Variants in NRG1 observed in about 807,000 individuals in gnomAD.
The protein encoded by NRG1 is pro-neuregulin-1, membrane-bound isoform.
A neutral mutation model predicts 63.8 loss-of-function variants in NRG1; 18 were observed. The observed-to-expected ratio is 0.28, with a 90% CI of 0.19 to 0.42. NRG1 has a LOEUF of 0.42. Ranked by LOEUF, NRG1 falls within the 10% of genes least tolerant of loss-of-function variation. The probability of loss-of-function intolerance (pLI) is 1.00; values close to 1 mark genes in which losing one functional copy is unlikely to be tolerated. For synonymous variants in NRG1, 302 were observed against 301.3 expected (o/e 1.00, Z -0.02); for missense variants, 762 against 814.7 (o/e 0.94, Z 0.79).
chr8:32,189,666 A>C (rs59756908), intron 1 of NRG1, among the ~76,000 whole-genome samples: 5,551 of 152,212 alleles, frequency 0.036, 186 homozygotes, highest in African/African-American at 0.084. Context: ...ATTTGATTTT[A>C]TTTCTTTCCT....
chr8:32,571,909 C>A lies in NRG1; in HGVS notation c.100+23083C>A, dbSNP rs550531298. On this transcript the variant is annotated intron_variant, in intron 1 of 11. Transcript: ENST00000356819. ...TAAGTTACAAATATACACACATGGC[C>A]ATAAAAATAGTCAGAGACTGAGCTG... Among the ~76,000 whole-genome samples the A allele has an allele frequency of 8.2e-5, 12 of 147,154 alleles. No homozygotes were observed. In the South Asian group the frequency reaches 2.5e-3, roughly 31 times the overall value.
intron 1 of NRG1, among the ~76,000 whole-genome samples, chr8:32,557,042 G>T (rs1382408565): frequency 1.3e-5 from 2 of 152,050 alleles, no homozygotes; most frequent in African/African-American, 4.8e-5. Flanking sequence ...GTCTTGCTCT[G>T]TCACCCAGGC....
intron 7 of NRG1, among the ~76,000 whole-genome samples, chr8:32,745,250 T>G (rs1006066229): frequency 1.4e-4 from 21 of 152,120 alleles, no homozygotes; most frequent in African/African-American, 5.1e-4. Flanking sequence ...AATTTAATTG[T>G]TTGTAGTCTT....
chr8:32,624,965 G>A (rs758495399), intron 5 of NRG1, among the ~76,000 whole-genome samples: 8 of 152,098 alleles, frequency 5.3e-5, no homozygotes, highest in African/African-American at 7.2e-5. Context: ...GAAAAAGAGC[G>A]TGCTTAGCCC....
chr8:32,265,288 T>C (rs987606887), intron 1 of NRG1, among the ~76,000 whole-genome samples: 5 of 151,950 alleles, frequency 3.3e-5, no homozygotes, highest in Non-Finnish European at 7.4e-5. Context: ...TGAGCCAAGA[T>C]TGTACCACTG....
chr8:32,563,193 T>C (rs1026707195), intron 1 of NRG1, among the ~76,000 whole-genome samples: 2 of 152,214 alleles, frequency 1.3e-5, no homozygotes, highest in Non-Finnish European at 2.9e-5. Context: ...CCAAGATAAT[T>C]CTTCTTCCAA....
At chr8:31,803,398 G>A (rs939995030) in intron 1 of NRG1, among the ~76,000 whole-genome samples, 1 of 152,122 alleles carries the variant, frequency 6.6e-6, no homozygotes, top group African/African-American at 2.4e-5. Context: ...TGGAATCCCT[G>A]TTTTCTATTC....
At chr8:32,335,383 C>T (rs1803140151) in intron 1 of NRG1, among the ~76,000 whole-genome samples, 1 of 152,194 alleles carries the variant, frequency 6.6e-6, no homozygotes, top group Non-Finnish European at 1.5e-5. Context: ...GACAATTATT[C>T]TGTTATTCTC....
intron 1 of NRG1, among the ~76,000 whole-genome samples, chr8:32,067,421 G>C (rs1233321479): frequency 6.6e-6 from 1 of 152,136 alleles, no homozygotes; most frequent in Non-Finnish European, 1.5e-5. Context: ...TTTGTCAAAG[G>C]CCTTTTCTGC....
At chr8:31,675,468 G>C (rs562546365) in intron 1 of NRG1, among the ~76,000 whole-genome samples, 1 of 152,306 alleles carries the variant, frequency 6.6e-6, no homozygotes, top group South Asian at 2.1e-4. Flanking sequence ...ACTTGAGTCT[G>C]TCTTTGCCTA....
intron 1 of NRG1, among the ~76,000 whole-genome samples, chr8:32,486,262 A>G (rs1351458840): frequency 6.6e-6 from 1 of 152,182 alleles, no homozygotes; most frequent in Non-Finnish European, 1.5e-5. Context: ...ATCCTTTTAT[A>G]GTTTGTTATA....
At chr8:32,106,847 C>T (rs957396112) in intron 1 of NRG1, among the ~76,000 whole-genome samples, 2 of 152,156 alleles carry the variant, frequency 1.3e-5, no homozygotes, top group South Asian at 2.1e-4. Flanking sequence ...TTCCTTTATT[C>T]ATCTCTGTAA....
At chr8:32,232,629 C>T (rs16879017) in intron 1 of NRG1, among the ~76,000 whole-genome samples, 14,288 of 152,094 alleles carry the variant, frequency 0.094, 2,232 homozygotes, top group African/African-American at 0.33. Flanking sequence ...CAAACATTCT[C>T]ATTTCAGACG....
intron 1 of NRG1, among the ~76,000 whole-genome samples, chr8:32,085,370 A>G (rs931438212): frequency 7.2e-5 from 11 of 152,182 alleles, no homozygotes; most frequent in Non-Finnish European, 1.5e-5. Flanking sequence ...CTCTGCTTCT[A>G]TGAGTTTGAC....
At chr8:32,229,458 T>C (rs1259726861) in intron 1 of NRG1, among the ~76,000 whole-genome samples, 1 of 152,132 alleles carries the variant, frequency 6.6e-6, no homozygotes, top group African/African-American at 2.4e-5. Flanking sequence ...CTCATTCGTG[T>C]GCCTGCTTTA....
chr8:31,998,255 A>T (rs1812341646), intron 1 of NRG1, among the ~76,000 whole-genome samples: 4 of 152,044 alleles, frequency 2.6e-5, no homozygotes, highest in Admixed American at 2.6e-4. Context: ...AAGTCTTGAG[A>T]CAAACACTGG....
At chr8:32,537,008 C>CAG (rs1380321649) in intron 1 of NRG1, among the ~76,000 whole-genome samples, 1 of 148,792 alleles carries the variant, frequency 6.7e-6, no homozygotes, top group African/African-American at 2.5e-5. Flanking sequence ...TTTGGGAGAC[C>CAG]AGCCTGGCCA....
intron 1 of NRG1, among the ~76,000 whole-genome samples, chr8:32,059,568 A>T (rs1432293008): frequency 6.6e-6 from 1 of 152,004 alleles, no homozygotes; most frequent in East Asian, 1.9e-4. Context: ...CGACGATAGA[A>T]TTCTAGGTTG....
chr8:32,288,109 T>C (rs1402017837), intron 1 of NRG1, among the ~76,000 whole-genome samples: 1 of 152,080 alleles, frequency 6.6e-6, no homozygotes, highest in East Asian at 1.9e-4. Context: ...AGCTGAATGG[T>C]TGATTCCAAA....
Sources: allele counts gnomAD v4.1 joint callset (sites outside exome capture counted in the v4.1 genomes callset), GRCh38; gene constraint gnomAD v4.1.1; transcripts MANE v1.5; gene names NCBI Gene and HGNC (gene_info 2026-07-23, HGNC 2026-07-21).